Variants in XCL2 observed in about 807,000 individuals in gnomAD.
The protein encoded by XCL2 is X-C motif chemokine ligand 2, also known as cytokine SCM-1 beta.
A neutral mutation model predicts 7.2 loss-of-function variants in XCL2; 8 were observed. The ratio of observed to expected loss-of-function variants is 1.10; its 90% CI spans 0.65 to 1.99. The LOEUF (loss-of-function observed/expected upper bound fraction) is 1.99, where lower values mean the gene tolerates loss of function less well. Ranked by LOEUF, XCL2 falls within the 30% of genes most tolerant of loss-of-function variation. XCL2 has a pLI of 0.00. For synonymous variants in XCL2, 46 were observed against 54.2 expected (o/e 0.85, Z 0.67); for missense variants, 131 against 138.6 (o/e 0.94, Z 0.28).
At position 168,540,913 on chromosome 1, in the gene XCL2, G is replaced by A. The variant is rs1654262070; in HGVS notation, c.*39C>T. 1 of 1,607,370 alleles carries A rather than the reference G, an allele frequency of 6.2e-7. No individual in the cohort carries two copies. The highest frequency in any genetic ancestry group is 1.3e-5 in the African/African-American group (1 of 74,964). ...AGTCCATGAGGGTGTAAAGTGAAATGAGCTGGCTGGCTGGAGACGGACAGG... is the reference window on the plus strand; with the variant it reads ...AGTCCATGAGGGTGTAAAGTGAAATAAGCTGGCTGGCTGGAGACGGACAGG... On this transcript the variant is annotated 3_prime_UTR_variant, in exon 3 of 3. Transcript: ENST00000367819.
intron 1 of XCL2, 39 bp downstream of exon 1, chr1:168,543,865 C>T (rs1654343427): frequency 6.3e-7 from 1 of 1,589,156 alleles, no homozygotes; most frequent in Non-Finnish European, 8.6e-7. Flanking sequence ...CCTGCCTTGC[C>T]TCCCTATTCT....
chr1:168,543,843 A>T (rs927456292), intron 1 of XCL2, 61 bp downstream of exon 1: 18 of 1,606,638 alleles, frequency 1.1e-5, no homozygotes, highest in Non-Finnish European at 1.4e-5. Flanking sequence ...TCAAACCCAA[A>T]ATGTGTGCCC....
At chr1:168,542,804 G>T in intron 1 of XCL2, 1 of 166,076 alleles carries the variant, frequency 6.0e-6, no homozygotes, top group South Asian at 1.5e-4. Context: ...AGGAGGCTAA[G>T]AAAGTGATGA....
rs188030744 is a variant in XCL2 at position 168,541,469 on chromosome 1, A to T, written c.177-349T>A. 2.5e-4 allele frequency among the ~76,000 whole-genome samples: 37 copies of T among 148,974 alleles called. No individual in the cohort carries two copies. The South Asian group carries it at 6.0e-3, about 24-fold the overall frequency. ...TGAAAATACTCATCTTATTTTTTTT[A>T]AAAAGGTGATTTTTACATTTTCATT... On this transcript the variant is annotated intron_variant, in intron 2 of 2. Transcript: ENST00000367819.
chr1:168,542,364 C>T (rs1329706107), intron 1 of XCL2, among the ~76,000 whole-genome samples: 1 of 151,756 alleles, frequency 6.6e-6, no homozygotes, highest in African/African-American at 2.4e-5. Context: ...AAGATGTTAT[C>T]CCGTCTCTGT....
At chr1:168,541,255 T>C (rs1654275125) in intron 2 of XCL2, 135 bp from the exon 3 acceptor site, 18 of 1,231,634 alleles carry the variant, frequency 1.5e-5, no homozygotes, top group Non-Finnish European at 2.0e-5. Flanking sequence ...AGCCATGAGA[T>C]CATAAATGAG....
In XCL2 at chr1:168,543,896, C is replaced by T. The variant is rs745931891; in HGVS notation, c.61+8G>A. On this transcript the variant is annotated splice_region_variant and intron_variant, in intron 1 of 2. Coordinates refer to ENST00000367819, the MANE Select transcript of XCL2 (RefSeq NM_003175.4). Reference sequence around the variant, plus strand: ...ATTCTTTATCTCACAGACAGCTTCTCCACTTACCTTCCACAATGTATGCAG... The same window carrying T: ...ATTCTTTATCTCACAGACAGCTTCTTCACTTACCTTCCACAATGTATGCAG... 2 of 1,603,188 alleles carry T rather than the reference C, an allele frequency of 1.2e-6. No individual in the cohort carries two copies. The highest frequency in any genetic ancestry group is 2.2e-5 in the South Asian group (2 of 90,054).
chr1:168,541,862 G>A lies in XCL2; in HGVS notation c.176+131C>T, dbSNP rs1038699303. ...GACATGGTTGATAAGGAAAACTAAA[G>A]AGGTTTTTGGTTAAGTTGAGGTGTT... On this transcript the variant is annotated intron_variant, in intron 2 of 2. Transcript: ENST00000367819. The A allele has an allele frequency of 2.0e-5, 14 of 700,330 alleles. 1 individual carries two copies. The African/African-American group carries it at 2.3e-4, about 12-fold the overall frequency. The allele number at this position is 700,330 out of a possible 1,614,324, so 43.4% of individuals were successfully genotyped here. A position where few individuals can be genotyped will look rare whatever the true frequency, so the allele number is the denominator to read the frequency against.
chr1:168,541,315 T>C (rs766210108), intron 2 of XCL2, among the ~76,000 whole-genome samples, 195 bp from the exon 3 acceptor site: 6 of 152,130 alleles, frequency 3.9e-5, no homozygotes, highest in Non-Finnish European at 7.4e-5. Flanking sequence ...TATCTGCAAG[T>C]AGTATCCAGC....
At chr1:168,541,363 TC>T (rs1359242260) in intron 2 of XCL2, among the ~76,000 whole-genome samples, 1 of 152,176 alleles carries the variant, frequency 6.6e-6, no homozygotes, top group Non-Finnish European at 1.5e-5. Flanking sequence ...CCTTTTCTCA[TC>T]CATGTCACCA....
intron 2 of XCL2, 134 bp downstream of exon 2, chr1:168,541,859 A>G: frequency 1.4e-6 from 1 of 692,930 alleles, no homozygotes; most frequent in Non-Finnish European, 2.3e-6. Context: ...AAGGAAAACT[A>G]AAGAGGTTTT....
rs377307734 is a variant in XCL2, at chr1:168,541,947, A to G, written c.176+46T>C. ...GCATTTCTATAGAGTGTATTTCTAT[A>G]CCTCTAGGTACCCACCCAGCCCAAC... On this transcript the variant is annotated intron_variant, in intron 2 of 2. Transcript: ENST00000367819. 11 of 1,585,966 alleles carry G rather than the reference A, an allele frequency of 6.9e-6. No homozygotes were observed. In the African/African-American group the frequency reaches 1.3e-4, roughly 19 times the overall value.
Position 168,540,851 on chromosome 1 carries a change from T to C in XCL2, c.*101A>G. ...GTAAAAATACAAAGGAATAATTTTA[T>C]TCATGCAGTGCTTTCATAAAAGGTG... is the stretch of plus-strand genomic sequence containing the variant. On this transcript the variant is annotated 3_prime_UTR_variant, in exon 3 of 3. Transcript: ENST00000367819. 7.4e-7 allele frequency: 1 copy of C among 1,355,216 alleles called. No individual in the cohort carries two copies. The highest frequency in any genetic ancestry group is 9.8e-7 in the Non-Finnish European group (1 of 1,015,262). The allele number at this position is 1,355,216 out of a possible 1,614,324, so 83.9% of individuals were successfully genotyped here.
intron 1 of XCL2, among the ~76,000 whole-genome samples, chr1:168,542,505 G>A (rs1038792136): frequency 1.3e-5 from 2 of 152,062 alleles, no homozygotes; most frequent in African/African-American, 2.4e-5. Flanking sequence ...TTTTCATAGA[G>A]CATATCTTCT....
rs531860961 is a variant in XCL2 at position 168,543,888 on chromosome 1, C to T, written c.61+16G>A. The T allele has an allele frequency of 6.3e-7, 1 of 1,596,690 alleles. No homozygotes were observed. Among genetic ancestry groups the T allele is most frequent in the South Asian group, 1.1e-5 (1 of 89,648 alleles). ...GCCTCCCTATTCTTTATCTCACAGA[C>T]AGCTTCTCCACTTACCTTCCACAAT... On this transcript the variant is annotated intron_variant, in intron 1 of 2. Transcript: ENST00000367819.
At chr1:168,543,115 G>A (rs145612363) in intron 1 of XCL2, 6,490 of 346,248 alleles carry the variant, frequency 0.019, 124 homozygotes, top group African/African-American at 0.056. Flanking sequence ...CTAGCAAAGG[G>A]GTTGTCCCCA....
At position 168,541,073 on chromosome 1, in the gene XCL2, G is replaced by A. The variant is rs746608031; in HGVS notation, c.224C>T (p.Thr75Met). 3.5e-5 allele frequency: 57 copies of A among 1,613,560 alleles called. No homozygotes were observed. The highest frequency in any genetic ancestry group is 3.1e-4 in the African/African-American group (23 of 74,908). ...GCTCCTGACCACGTCTCTCACCCAC[G>A]TGGCTTGTGGATCAGCACAGACTTT... Reference protein sequence around the residue: ...GLKVCADPQATWVRDVVRSMD... With the variant: ...GLKVCADPQAMWVRDVVRSMD... The change falls in exon 3 of 3, where the codon ACG becomes ATG. Residue 75 changes from threonine (T) to methionine (M), a missense_variant. Coordinates refer to ENST00000367819, the MANE Select transcript of XCL2 (RefSeq NM_003175.4).
intron 1 of XCL2, 96 bp downstream of exon 1, chr1:168,543,808 C>A: frequency 1.3e-6 from 2 of 1,566,302 alleles, no homozygotes; most frequent in Admixed American, 1.7e-5. Context: ...CTGGAGACAG[C>A]AGTTTAGTCC....
In XCL2 at chr1:168,542,038, C is replaced by G. The variant is rs1278128029; in HGVS notation, c.131G>C (p.Arg44Thr). 3.7e-6 allele frequency: 6 copies of G among 1,602,760 alleles called. No homozygotes were observed. Among genetic ancestry groups the G allele is most frequent in the Non-Finnish European group, 5.1e-6 (6 of 1,174,562 alleles). Residue 44 changes from arginine (R) to threonine (T), a missense_variant, in exon 2 of 3, where the codon AGA (arginine) becomes ACA (threonine). Coordinates refer to ENST00000367819, the MANE Select transcript of XCL2 (RefSeq NM_003175.4). ...TTCCGTGATGGTGTAGGTCTTGATTCTGCTAACTGGCAGTCGCTGGGTAGT... is the reference window on the plus strand; with the variant it reads ...TTCCGTGATGGTGTAGGTCTTGATTGTGCTAACTGGCAGTCGCTGGGTAGT... ...SLTTQRLPVS[R>T]IKTYTITEGS...
Sources: gnomAD v4.1 joint callset for allele counts (sites outside exome capture counted in the v4.1 genomes callset) on GRCh38, gnomAD v4.1.1 for gene constraint, MANE v1.5 for transcripts, NCBI Gene and HGNC (gene_info 2026-07-23, HGNC 2026-07-21) for gene names.